MTHFSD: variants seen among roughly 807,000 people sequenced by gnomAD.
The protein encoded by MTHFSD is methenyltetrahydrofolate synthetase domain containing.
MTHFSD carries 37 observed loss-of-function variants against 31.1 expected under a neutral mutation model. That is an observed-to-expected ratio of 1.19 (90% CI 0.91 to 1.56). MTHFSD has a LOEUF of 1.56. Among genes scored for constraint, MTHFSD ranks in the 40% most tolerant of loss-of-function variants. MTHFSD has a pLI of 0.00. For missense variants in MTHFSD, 664 were observed against 510.1 expected (o/e 1.30, Z -2.91); for synonymous variants, 221 against 206.9 (o/e 1.07, Z -0.59).
intron 7 of MTHFSD, among the ~76,000 whole-genome samples, chr16:86,533,990 C>T (rs1970332601): frequency 6.6e-6 from 1 of 152,216 alleles, no homozygotes; most frequent in Admixed American, 6.5e-5. Context: ...TGCCACTCTG[C>T]TCCCTGGCAC....
In MTHFSD at chr16:86,532,437, GA is replaced by G; in HGVS notation, c.725del (p.Leu242ProfsTer32). On this transcript the variant is annotated frameshift_variant, in exon 8 of 8. Coordinates refer to ENST00000360900, the MANE Select transcript of MTHFSD (RefSeq NM_001159377.2). LOFTEE classifies it low-confidence loss of function (END_TRUNC). ...TCCCAGCCTGCTGCTCTCGGGCGCG[GA>G]GGCTCCTCAGTATGGGGATTTTCTC... ...MMEKIPILRS[L>X]RAREQQAGKD... 1 of 1,464,660 alleles carries G rather than the reference GA, an allele frequency of 6.8e-7. No homozygotes were observed. The highest frequency in any genetic ancestry group is 1.4e-5 in the South Asian group (1 of 69,084). The allele number at this position is 1,464,660 out of a possible 1,614,324, so 90.7% of individuals were successfully genotyped here. A position where few individuals can be genotyped will look rare whatever the true frequency, so the allele number is the denominator to read the frequency against.
rs1298372454 is a variant in MTHFSD, at chr16:86,530,700, C to T, written c.*1311G>A. 1.3e-5 allele frequency: 2 copies of T among 152,000 alleles called. No homozygotes were observed. The highest frequency in any genetic ancestry group is 6.5e-5 in the Admixed American group (1 of 15,276). 9.4% of individuals were successfully genotyped at this position (152,000 alleles called of 1,614,324 possible). A position where few individuals can be genotyped will look rare whatever the true frequency, so the allele number is the denominator to read the frequency against. ...AAGAAGGTGAGGAGTTCAGTGTAACCAGGTGACTACTCTGAACTGGGGACT... is the reference window on the plus strand; with the variant it reads ...AAGAAGGTGAGGAGTTCAGTGTAACTAGGTGACTACTCTGAACTGGGGACT... On this transcript the variant is annotated 3_prime_UTR_variant, in exon 8 of 8. Transcript: ENST00000360900.
intron 7 of MTHFSD, chr16:86,535,305 C>G: frequency 1.8e-6 from 1 of 549,428 alleles, no homozygotes. Flanking sequence ...GGCTTCACAT[C>G]AGCTCCCTCC....
chr16:86,537,162 T>A (rs1316255085), intron 7 of MTHFSD, among the ~76,000 whole-genome samples: 1 of 152,218 alleles, frequency 6.6e-6, no homozygotes, highest in East Asian at 1.9e-4. Context: ...AATTAGTATA[T>A]GCTTGTTGTG....
At chr16:86,545,487 G>A (rs561573818) in intron 5 of MTHFSD, among the ~76,000 whole-genome samples, 1 of 152,220 alleles carries the variant, frequency 6.6e-6, no homozygotes, top group Non-Finnish European at 1.5e-5. Flanking sequence ...ACCACCAAGA[G>A]CCCAAGTCCC....
At chr16:86,540,718 CA>C in intron 7 of MTHFSD, 1 of 990,008 alleles carries the variant, frequency 1.0e-6, no homozygotes, top group Non-Finnish European at 1.2e-6. Flanking sequence ...AGAAAGACAT[CA>C]AGGGATATTT....
intron 1 of MTHFSD, 88 bp downstream of exon 1, chr16:86,555,081 C>T (rs1229336219): frequency 1.9e-5 from 28 of 1,509,688 alleles, no homozygotes; most frequent in Middle Eastern, 1.7e-4. Context: ...CATCCTCTGC[C>T]AGCCCCGGTG....
In MTHFSD at chr16:86,541,685, G is replaced by A; in HGVS notation, c.681+12C>T. On this transcript the variant is annotated intron_variant, in intron 7 of 7. Coordinates refer to ENST00000360900, the MANE Select transcript of MTHFSD (RefSeq NM_001159377.2). The stretch of plus-strand genomic sequence containing the variant: ...AAGCTACAGGCCAGAGCTGGCCACT[G>A]CCGTGACCCACCTTGAACCAGGTGA... 1 of 1,610,930 alleles carries A rather than the reference G, an allele frequency of 6.2e-7. No homozygotes were observed. Among genetic ancestry groups the A allele is most frequent in the Non-Finnish European group, 8.5e-7 (1 of 1,178,692 alleles).
chr16:86,547,622 C>A (rs555096626), intron 4 of MTHFSD: 7 of 911,716 alleles, frequency 7.7e-6, no homozygotes, highest in Non-Finnish European at 9.2e-6. Context: ...ACCATGCTTT[C>A]GTCTCAGTTT....
intron 2 of MTHFSD, 129 bp downstream of exon 2, chr16:86,554,516 T>G: frequency 2.6e-6 from 2 of 758,766 alleles, no homozygotes; most frequent in Non-Finnish European, 4.4e-6. Context: ...ATGGCTTTGA[T>G]TTCACACCAC....
intron 7 of MTHFSD, among the ~76,000 whole-genome samples, chr16:86,534,227 A>G (rs1002212124): frequency 1.3e-5 from 2 of 152,228 alleles, no homozygotes; most frequent in Non-Finnish European, 2.9e-5. Flanking sequence ...GCCCTCGGCC[A>G]TCCTTCTCAA....
At chr16:86,547,813 G>C (rs1025613527) in intron 4 of MTHFSD, among the ~76,000 whole-genome samples, 1 of 152,074 alleles carries the variant, frequency 6.6e-6, no homozygotes, top group Admixed American at 6.5e-5. Context: ...ATAAAAAAGC[G>C]TATCTTCAAT....
At chr16:86,551,095 G>A (rs1318439976) in intron 3 of MTHFSD, among the ~76,000 whole-genome samples, 1 of 152,192 alleles carries the variant, frequency 6.6e-6, no homozygotes, top group Non-Finnish European at 1.5e-5. Context: ...AATTAATGGG[G>A]CCATTTGAAT....
Position 86,554,638 on chromosome 16 carries a change from T to C in MTHFSD, c.123+7A>G. On this transcript the variant is annotated splice_region_variant and intron_variant, in intron 2 of 7. Transcript: ENST00000360900. ...TCCTTTTCTGGACTCCAGAAATATG[T>C]CAGTACCTTAAAGTTGGGTATCCTG... is the stretch of plus-strand genomic sequence containing the variant. The C allele has an allele frequency of 6.2e-7, 1 of 1,605,888 alleles. No individual in the cohort carries two copies. Among genetic ancestry groups the C allele is most frequent in the Non-Finnish European group, 8.5e-7 (1 of 1,173,812 alleles).
Position 86,532,405 on chromosome 16 carries a change from A to AGCACCAG in MTHFSD, c.757_758insCTGGTGC (p.Val253AlafsTer8). On this transcript the variant is annotated frameshift_variant, in exon 8 of 8. Coordinates refer to ENST00000360900, the MANE Select transcript of MTHFSD (RefSeq NM_001159377.2). LOFTEE classifies it low-confidence loss of function (END_TRUNC). ...GTGCTGGTGCTCACCCTGGAGGGTG[A>AGCACCAG]CATCCTTCCCAGCCTGCTGCTCTCG... 6.6e-7 allele frequency: 1 copy of AGCACCAG among 1,524,816 alleles called. No homozygotes were observed. The highest frequency in any genetic ancestry group is 8.8e-7 in the Non-Finnish European group (1 of 1,137,432). 94.5% of individuals were successfully genotyped at this position (1,524,816 alleles called of 1,614,324 possible). A position where few individuals can be genotyped will look rare whatever the true frequency, so the allele number is the denominator to read the frequency against.
Position 86,542,170 on chromosome 16 carries a change from A to G in MTHFSD, c.486T>C (p.Tyr162=), listed in dbSNP as rs1971623401. 1.2e-6 allele frequency: 2 copies of G among 1,613,918 alleles called. No individual in the cohort carries two copies. The highest frequency in any genetic ancestry group is 1.7e-6 in the Non-Finnish European group (2 of 1,180,028). The change falls in exon 6 of 8, where the codon TAT becomes TAC. Residue 162 remains tyrosine (Y), a synonymous_variant. Transcript: ENST00000360900. The surrounding 1 kb of genome is among the most constrained non-coding windows in gnomAD (Gnocchi z 4.6). ...CGGCGCCCATGGATACCATCATGGC[A>G]TATTCCAGATCGGCGTAGCCTTCTC... ...GKGEGYADLE[Y]AMMVSMGAVS...
At chr16:86,555,101 C>A (rs1165219181) in intron 1 of MTHFSD, 68 bp downstream of exon 1, 5 of 1,520,628 alleles carry the variant, frequency 3.3e-6, no homozygotes, top group Non-Finnish European at 4.4e-6. Flanking sequence ...GGCCCCGCCT[C>A]GACCCTCACC....
chr16:86,550,669 G>A (rs1168059146), intron 3 of MTHFSD, among the ~76,000 whole-genome samples: 2 of 152,186 alleles, frequency 1.3e-5, no homozygotes, highest in African/African-American at 2.4e-5. Flanking sequence ...ACAGAACTGC[G>A]CCTCGAATGC....
chr16:86,537,026 A>G lies in MTHFSD; in HGVS notation c.682-4545T>C, dbSNP rs555000522. Among the ~76,000 whole-genome samples, 3 of 152,308 alleles carry G rather than the reference A, an allele frequency of 2.0e-5. No individual in the cohort carries two copies. The South Asian group carries it at 6.2e-4, about 32-fold the overall frequency. ...GAATTCTCATTTCTACTAACTGGGT[A>G]CCCTGGGAACAGAGATAGCTACCTT... On this transcript the variant is annotated intron_variant, in intron 7 of 7. Transcript: ENST00000360900.
Sources: gnomAD v4.1 joint callset for allele counts (sites outside exome capture counted in the v4.1 genomes callset) on GRCh38, gnomAD v4.1.1 for gene constraint, Gnocchi (gnomAD v3.1) non-coding constraint, MANE v1.5 for transcripts, NCBI Gene and HGNC (gene_info 2026-07-23, HGNC 2026-07-21) for gene names.